KCNH1: variants seen among roughly 807,000 people sequenced by gnomAD.
KCNH1 encodes potassium voltage-gated channel subfamily H member 1.
A neutral mutation model predicts 69.2 loss-of-function variants in KCNH1; 27 were observed. The ratio of observed to expected loss-of-function variants is 0.39; its 90% CI spans 0.29 to 0.54. The LOEUF is 0.54. KCNH1 is among the 20% of genes least tolerant of loss of function. KCNH1 has a pLI of 0.68. For synonymous variants in KCNH1, 456 were observed against 487.7 expected (o/e 0.93, Z 0.86); for missense variants, 798 against 1,261.6 (o/e 0.63, Z 5.57).
At position 210,886,813 on chromosome 1, in the gene KCNH1, T is replaced by C. The variant is rs139758766; in HGVS notation, c.1462+32827A>G. Among the ~76,000 whole-genome samples the C allele has an allele frequency of 2.6e-5, 4 of 152,132 alleles. No individual in the cohort carries two copies. In the East Asian group the frequency reaches 7.8e-4, roughly 30 times the overall value. The stretch of plus-strand genomic sequence containing the variant: ...AGGATATCAGAGATTGAAGATCAAC[T>C]TAATGAAATAAAGTGTGAAGCCAAA... On this transcript the variant is annotated intron_variant, in intron 7 of 10. Coordinates refer to ENST00000271751, the MANE Select transcript of KCNH1 (RefSeq NM_172362.3).
At chr1:210,949,094 A>G (rs1023772278) in intron 6 of KCNH1, among the ~76,000 whole-genome samples, 10 of 152,056 alleles carry the variant, frequency 6.6e-5, no homozygotes, top group African/African-American at 2.4e-4. Flanking sequence ...GTAATGAACA[A>G]TTTTTTTATT....
intron 6 of KCNH1, among the ~76,000 whole-genome samples, chr1:210,937,564 T>C (rs932610011): frequency 1.3e-5 from 2 of 152,204 alleles, no homozygotes; most frequent in Non-Finnish European, 2.9e-5. Flanking sequence ...GTCATGGTTC[T>C]GGAAGTGGTA....
At chr1:210,772,973 GT>G (rs962075503) in intron 10 of KCNH1, among the ~76,000 whole-genome samples, 20 of 150,552 alleles carry the variant, frequency 1.3e-4, no homozygotes, top group East Asian at 5.8e-4. Flanking sequence ...TGTCATTCTT[GT>G]TTTTTTTTAA....
At chr1:211,098,965 T>G (rs756126032) in intron 3 of KCNH1, among the ~76,000 whole-genome samples, 4 of 152,210 alleles carry the variant, frequency 2.6e-5, no homozygotes, top group African/African-American at 4.8e-5. Context: ...TTAGTTCACA[T>G]TCCTTGACAC....
intron 6 of KCNH1, among the ~76,000 whole-genome samples, chr1:210,927,439 A>C (rs1162045392): frequency 6.6e-6 from 1 of 152,166 alleles, no homozygotes. Context: ...TAGCAGCCCA[A>C]AATTTTGTAT....
At chr1:210,988,532 T>C (rs1327893429) in intron 6 of KCNH1, among the ~76,000 whole-genome samples, 1 of 152,216 alleles carries the variant, frequency 6.6e-6, no homozygotes, top group East Asian at 1.9e-4. Flanking sequence ...ATACATGCCA[T>C]GTCTATTGCA....
chr1:210,806,822 AAAAAAAAAAAAAAAATAT>A (rs1226404432), intron 7 of KCNH1, among the ~76,000 whole-genome samples: 7 of 42,104 alleles, frequency 1.7e-4, no homozygotes, highest in Non-Finnish European at 2.1e-4. Context: ...AAAAAAAAAA[AAAAAAAAAAAAAAAATAT>A]ATATATATAT....
At chr1:210,769,957 T>G (rs914799258) in intron 10 of KCNH1, among the ~76,000 whole-genome samples, 3 of 152,184 alleles carry the variant, frequency 2.0e-5, no homozygotes, top group African/African-American at 7.2e-5. Flanking sequence ...AGGTAATGTG[T>G]CACTTTTTCT....
rs564377155 is a variant in KCNH1, at chr1:210,749,853, A to C, written c.2112+25495T>G. On this transcript the variant is annotated intron_variant, in intron 10 of 10. Transcript: ENST00000271751. ...CTCCTCCCAGGTTCAAGTGATTCTC[A>C]TGCCTCAGCCTCCCGAGTAGCTGGG... Among the ~76,000 whole-genome samples, 5 of 149,630 alleles carry C rather than the reference A, an allele frequency of 3.3e-5. No individual in the cohort carries two copies. The South Asian group carries it at 1.0e-3, about 31-fold the overall frequency.
chr1:210,841,431 A>C (rs1184091963), intron 7 of KCNH1, among the ~76,000 whole-genome samples: 1 of 152,208 alleles, frequency 6.6e-6, no homozygotes, highest in Non-Finnish European at 1.5e-5. Flanking sequence ...TACTCCCTGC[A>C]CAGCAAATGC....
At chr1:211,062,634 T>C (rs548766159) in intron 5 of KCNH1, among the ~76,000 whole-genome samples, 1 of 152,282 alleles carries the variant, frequency 6.6e-6, no homozygotes, top group South Asian at 2.1e-4. Flanking sequence ...AATAATCTCA[T>C]TTAAAATGGA....
At chr1:210,853,113 A>C (rs956711292) in intron 7 of KCNH1, among the ~76,000 whole-genome samples, 1 of 152,172 alleles carries the variant, frequency 6.6e-6, no homozygotes, top group African/African-American at 2.4e-5. Context: ...TATGGTAAAA[A>C]AGTGCAAGAG....
chr1:210,982,221 T>TTTA (rs57676423), intron 6 of KCNH1, among the ~76,000 whole-genome samples: 2,843 of 131,096 alleles, frequency 0.022, 59 homozygotes, highest in African/African-American at 0.057. Flanking sequence ...CGAGAATACT[T>TTTA]TTATTATTAT....
At chr1:210,702,528 A>AATTT (rs1372370146) in intron 10 of KCNH1, among the ~76,000 whole-genome samples, 1 of 151,908 alleles carries the variant, frequency 6.6e-6, no homozygotes, top group Non-Finnish European at 1.5e-5. Flanking sequence ...CTTCTTTTGA[A>AATTT]TTTTTAAATA....
At chr1:210,739,972 G>C (rs896887797) in intron 10 of KCNH1, among the ~76,000 whole-genome samples, 16 of 152,004 alleles carry the variant, frequency 1.1e-4, no homozygotes, top group African/African-American at 3.4e-4. Context: ...GATACCAGGG[G>C]GGGAAAAAAA....
intron 7 of KCNH1, among the ~76,000 whole-genome samples, chr1:210,824,495 A>C (rs1684997735): frequency 6.6e-6 from 1 of 152,140 alleles, no homozygotes; most frequent in African/African-American, 2.4e-5. Context: ...ATAATGTGTA[A>C]AAGAAATGTT....
At position 210,838,711 on chromosome 1, in the gene KCNH1, G is replaced by T. The variant is rs147559411; in HGVS notation, c.1463-34545C>A. Among the ~76,000 whole-genome samples the T allele has an allele frequency of 3.9e-5, 6 of 152,144 alleles. No individual in the cohort carries two copies. The East Asian group carries it at 1.2e-3, about 29-fold the overall frequency. The stretch of plus-strand genomic sequence containing the variant: ...CCAGCATCTATAAGAAACTTAAACA[G>T]ATTTACAAGAGAAAAACAACCCCAT... On this transcript the variant is annotated intron_variant, in intron 7 of 10. Coordinates refer to ENST00000271751, the MANE Select transcript of KCNH1 (RefSeq NM_172362.3).
intron 7 of KCNH1, among the ~76,000 whole-genome samples, chr1:210,886,560 A>G (rs1384383637): frequency 6.6e-6 from 1 of 152,138 alleles, no homozygotes; most frequent in African/African-American, 2.4e-5. Context: ...ACAAATTGAC[A>G]GAAGTAGGCT....
chr1:210,905,944 A>G (rs1687093700), intron 7 of KCNH1, among the ~76,000 whole-genome samples: 1 of 152,196 alleles, frequency 6.6e-6, no homozygotes, highest in Non-Finnish European at 1.5e-5. Context: ...TTCCTAAATC[A>G]AATCCACTTA....
Sources: gnomAD v4.1 joint callset for allele counts (sites outside exome capture counted in the v4.1 genomes callset) on GRCh38, gnomAD v4.1.1 for gene constraint, MANE v1.5 for transcripts, NCBI Gene and HGNC (gene_info 2026-07-23, HGNC 2026-07-21) for gene names.